Variants in SDK1 observed in about 807,000 individuals in gnomAD.
SDK1 encodes the protein protein sidekick-1.
A neutral mutation model predicts 245.5 loss-of-function variants in SDK1; 157 were observed. That is an observed-to-expected ratio of 0.64 (90% CI 0.56 to 0.73). SDK1 has a LOEUF of 0.73. Ranked by LOEUF, SDK1 falls within the 30% of genes least tolerant of loss-of-function variation. The pLI, the probability that SDK1 is intolerant of heterozygous loss-of-function variation, is 0.00. For missense variants in SDK1, 3,583 were observed against 3,002.3 expected (o/e 1.19, Z -4.52); for synonymous variants, 1,647 against 1,278.5 (o/e 1.29, Z -6.15).
chr7:3,671,888 TG>T (rs1339821362), intron 4 of SDK1, among the ~76,000 whole-genome samples: 2 of 152,232 alleles, frequency 1.3e-5, no homozygotes, highest in Non-Finnish European at 2.9e-5. Flanking sequence ...GGTTTTTGTT[TG>T]CTTGCTTGCT....
intron 4 of SDK1, among the ~76,000 whole-genome samples, chr7:3,688,206 A>G (rs1784346041): frequency 6.6e-6 from 1 of 152,170 alleles, no homozygotes; most frequent in South Asian, 2.1e-4. Context: ...AGGCTTTTAA[A>G]GTGTTTCTTA....
intron 2 of SDK1, among the ~76,000 whole-genome samples, chr7:3,623,698 T>G (rs893023638): frequency 1.3e-5 from 2 of 152,190 alleles, no homozygotes; most frequent in African/African-American, 4.8e-5. Flanking sequence ...CTAAATTATT[T>G]TCTACTTTGG....
At chr7:3,589,845 G>C (rs1201991703) in intron 1 of SDK1, among the ~76,000 whole-genome samples, 1 of 152,170 alleles carries the variant, frequency 6.6e-6, no homozygotes, top group African/African-American at 2.4e-5. Context: ...AACCATATCA[G>C]AAGACAGTTA....
At chr7:3,479,747 A>G (rs1781455256) in intron 1 of SDK1, among the ~76,000 whole-genome samples, 1 of 151,760 alleles carries the variant, frequency 6.6e-6, no homozygotes. Context: ...ATGTAGTCCT[A>G]GCTACTCAGG....
intron 4 of SDK1, among the ~76,000 whole-genome samples, chr7:3,767,068 A>G (rs1780275727): frequency 1.3e-5 from 2 of 152,338 alleles, no homozygotes; most frequent in South Asian, 2.1e-4. Flanking sequence ...GGGATTGTGT[A>G]TCCAGCTGGG....
chr7:3,956,945 G>A (rs1406913423), intron 7 of SDK1, among the ~76,000 whole-genome samples: 4 of 152,182 alleles, frequency 2.6e-5, no homozygotes, highest in Non-Finnish European at 4.4e-5. Flanking sequence ...AGGCGACAAC[G>A]GTAATCAGTA....
chr7:3,474,910 T>A (rs1026519361), intron 1 of SDK1, among the ~76,000 whole-genome samples: 3 of 152,102 alleles, frequency 2.0e-5, no homozygotes, highest in Non-Finnish European at 2.9e-5. Flanking sequence ...CAAGCTGGTA[T>A]TGAACTCCTG....
At chr7:3,681,391 A>T (rs955256238) in intron 4 of SDK1, among the ~76,000 whole-genome samples, 4 of 152,080 alleles carry the variant, frequency 2.6e-5, no homozygotes, top group East Asian at 3.9e-4. Flanking sequence ...TGATGAGATG[A>T]TTATAAACTG....
intron 5 of SDK1, among the ~76,000 whole-genome samples, chr7:3,869,196 C>G (rs1780897878): frequency 6.8e-6 from 1 of 147,448 alleles, no homozygotes; most frequent in African/African-American, 2.5e-5. Flanking sequence ...CACTCTGTCG[C>G]CCAGGCTGGA....
chr7:4,176,853 AC>A, intron 34 of SDK1, among the ~76,000 whole-genome samples: 1 of 152,296 alleles, frequency 6.6e-6, no homozygotes, highest in Admixed American at 6.5e-5. Flanking sequence ...CGAATGAAAG[AC>A]CACGTTTTGT....
chr7:3,509,839 T>C (rs779728513), intron 1 of SDK1, among the ~76,000 whole-genome samples: 1 of 152,186 alleles, frequency 6.6e-6, no homozygotes, highest in Non-Finnish European at 1.5e-5. Context: ...GTCTAAATTA[T>C]AGAGAATGGA....
chr7:4,065,747 A>T (rs7784928), intron 19 of SDK1, among the ~76,000 whole-genome samples: 37,679 of 111,594 alleles, frequency 0.34, 7,841 homozygotes, highest in African/African-American at 0.64. Flanking sequence ...TTACCATTTT[A>T]AAAAAATTAC....
At chr7:3,952,976 G>A (rs1011591500) in intron 7 of SDK1, among the ~76,000 whole-genome samples, 4 of 152,118 alleles carry the variant, frequency 2.6e-5, no homozygotes, top group African/African-American at 9.7e-5. Context: ...GACTATGAGA[G>A]CAGCCTGTGT....
chr7:3,330,821 A>AAC (rs1780050016), intron 1 of SDK1, among the ~76,000 whole-genome samples: 1 of 151,154 alleles, frequency 6.6e-6, no homozygotes, highest in African/African-American at 2.4e-5. Flanking sequence ...AAAAAAAAAA[A>AAC]AAAAAAACCA....
At chr7:3,457,025 G>A (rs1780691272) in intron 1 of SDK1, among the ~76,000 whole-genome samples, 1 of 152,190 alleles carries the variant, frequency 6.6e-6, no homozygotes, top group Admixed American at 6.5e-5. Context: ...TGCTTCCGCA[G>A]TCCTGGCTGC....
intron 1 of SDK1, among the ~76,000 whole-genome samples, chr7:3,583,005 C>G (rs1330131979): frequency 1.3e-5 from 2 of 152,258 alleles, no homozygotes; most frequent in East Asian, 3.9e-4. Context: ...AGTGCATTCC[C>G]AAGTCCTTCC....
chr7:3,827,126 C>A (rs1164598178), intron 5 of SDK1, among the ~76,000 whole-genome samples: 2 of 152,092 alleles, frequency 1.3e-5, no homozygotes, highest in Non-Finnish European at 1.5e-5. Flanking sequence ...TGTCTTAAAT[C>A]TTAGGTTAAG....
At chr7:3,678,912 A>G (rs993529896) in intron 4 of SDK1, among the ~76,000 whole-genome samples, 3 of 152,210 alleles carry the variant, frequency 2.0e-5, no homozygotes, top group African/African-American at 2.4e-5. Context: ...CTCACATTTT[A>G]TATCTTTAAA....
chr7:3,337,476 T>C (rs1780232701), intron 1 of SDK1, among the ~76,000 whole-genome samples: 1 of 151,086 alleles, frequency 6.6e-6, no homozygotes, highest in Non-Finnish European at 1.5e-5. Context: ...AAAAAAAATC[T>C]GAAGAAATAA....
Sources: allele counts gnomAD v4.1 joint callset (sites outside exome capture counted in the v4.1 genomes callset), GRCh38; gene constraint gnomAD v4.1.1; transcripts MANE v1.5; gene names NCBI Gene and HGNC (gene_info 2026-07-23, HGNC 2026-07-21).